The following EYA1 variants were observed in gnomAD, a reference collection of about 807,000 sequenced individuals.
The protein encoded by EYA1 is EYA transcriptional coactivator and phosphatase 1, also known as protein phosphatase EYA1.
Under a neutral mutation model 82.0 loss-of-function variants are expected in EYA1, and 16 were observed. The ratio of observed to expected loss-of-function variants is 0.20; its 90% CI spans 0.13 to 0.30. EYA1 has a LOEUF of 0.30. EYA1 is among the 10% of genes least tolerant of loss of function. The pLI, the probability that EYA1 is intolerant of heterozygous loss-of-function variation, is 1.00. For synonymous variants in EYA1, 261 were observed against 264.4 expected, an observed-to-expected ratio of 0.99 and a Z score of 0.12; for missense variants, 633 against 730.7, an observed-to-expected ratio of 0.87 and a Z score of 1.54.
intron 3 of EYA1, among the ~76,000 whole-genome samples, chr8:71,354,292 C>T (rs1298056239): frequency 6.6e-6 from 1 of 151,942 alleles, no homozygotes; most frequent in Non-Finnish European, 1.5e-5. Context: ...ATTTTCATAG[C>T]CAAAGCCTTA....
intron 1 of EYA1, among the ~76,000 whole-genome samples, chr8:71,545,382 C>A (rs72655726): frequency 0.04 from 6,114 of 152,170 alleles, 182 homozygotes; most frequent in Non-Finnish European, 0.066. Flanking sequence ...AGTCAATTTT[C>A]TAAGAAAAAT....
intron 2 of EYA1, among the ~76,000 whole-genome samples, chr8:71,471,428 A>G (rs1017940324): frequency 6.6e-6 from 1 of 152,054 alleles, no homozygotes; most frequent in Non-Finnish European, 1.5e-5. Flanking sequence ...GTGTATAAGG[A>G]TTGCATAAGC....
intron 9 of EYA1, among the ~76,000 whole-genome samples, chr8:71,294,352 G>A (rs199785733): frequency 6.6e-6 from 1 of 151,992 alleles, no homozygotes; most frequent in Non-Finnish European, 1.5e-5. Flanking sequence ...CCAGCTACTC[G>A]GGAGGCTGAG....
At chr8:71,473,507 C>A (rs60736827) in intron 2 of EYA1, among the ~76,000 whole-genome samples, 3,113 of 152,228 alleles carry the variant, frequency 0.02, 105 homozygotes, top group African/African-American at 0.071. Flanking sequence ...GAGATACCAT[C>A]TCATGCCAGT....
intron 2 of EYA1, among the ~76,000 whole-genome samples, chr8:71,406,812 T>A (rs1328649929): frequency 6.9e-6 from 1 of 145,880 alleles, no homozygotes; most frequent in Non-Finnish European, 1.5e-5. Flanking sequence ...CGCCCGCCAT[T>A]GCCCAGGCTT....
chr8:71,438,377 AAATAACC>A (rs2129168092), intron 2 of EYA1, among the ~76,000 whole-genome samples: 1 of 151,448 alleles, frequency 6.6e-6, no homozygotes, highest in Admixed American at 6.6e-5. Context: ...TATATATAAT[AAATAACC>A]TAGATAAATA....
chr8:71,291,205 C>A (rs1051974760), intron 9 of EYA1, among the ~76,000 whole-genome samples: 1 of 152,124 alleles, frequency 6.6e-6, no homozygotes, highest in South Asian at 2.1e-4. Context: ...GGAAGATAGC[C>A]GGGAGTTTAG....
chr8:71,293,842 C>T (rs548102455), intron 9 of EYA1, among the ~76,000 whole-genome samples: 5 of 104,122 alleles, frequency 4.8e-5, no homozygotes, highest in African/African-American at 1.2e-4. Flanking sequence ...TACTTCATGG[C>T]GAGAAACTAG....
At chr8:71,417,086 G>A (rs1830895035) in intron 2 of EYA1, among the ~76,000 whole-genome samples, 1 of 152,196 alleles carries the variant, frequency 6.6e-6, no homozygotes, top group Admixed American at 6.5e-5. Flanking sequence ...TGTGCTGGAT[G>A]CTTCTTGCCC....
chr8:71,479,903 G>T (rs1809997398), intron 2 of EYA1, among the ~76,000 whole-genome samples: 1 of 152,094 alleles, frequency 6.6e-6, no homozygotes, highest in African/African-American at 2.4e-5. Context: ...ATTATGTAAT[G>T]GTCTGCCTTT....
chr8:71,487,355 C>T (rs1810651038), intron 2 of EYA1, among the ~76,000 whole-genome samples: 1 of 152,136 alleles, frequency 6.6e-6, no homozygotes, highest in South Asian at 2.1e-4. Context: ...CCAGTGTGAA[C>T]ATGCTCCTAG....
chr8:71,520,423 A>G (rs1239756611), intron 2 of EYA1, among the ~76,000 whole-genome samples: 3 of 152,194 alleles, frequency 2.0e-5, no homozygotes, highest in South Asian at 4.2e-4. Flanking sequence ...AAGAAAATAA[A>G]CTTCATTGGC....
chr8:71,458,840 T>G (rs941094905), intron 2 of EYA1, among the ~76,000 whole-genome samples: 1 of 152,172 alleles, frequency 6.6e-6, no homozygotes, highest in Non-Finnish European at 1.5e-5. Flanking sequence ...GCAATTGGAT[T>G]CTGCATATAC....
chr8:71,497,571 G>A (rs1811508163), intron 2 of EYA1, among the ~76,000 whole-genome samples: 1 of 151,944 alleles, frequency 6.6e-6, no homozygotes, highest in South Asian at 2.1e-4. Flanking sequence ...TAACAGATAA[G>A]TGTTGGTAAG....
At chr8:71,293,842 C>A (rs548102455) in intron 9 of EYA1, among the ~76,000 whole-genome samples, 27 of 104,222 alleles carry the variant, frequency 2.6e-4, no homozygotes, top group African/African-American at 7.3e-4. Flanking sequence ...TACTTCATGG[C>A]GAGAAACTAG....
At chr8:71,247,110 C>T (rs1813196241) in intron 11 of EYA1, among the ~76,000 whole-genome samples, 1 of 151,972 alleles carries the variant, frequency 6.6e-6, no homozygotes, top group Admixed American at 6.6e-5. Context: ...CTCCCACCCT[C>T]TTGGCACAGC....
chr8:71,236,390 T>TTC (rs1337645414), intron 12 of EYA1, among the ~76,000 whole-genome samples: 3 of 152,330 alleles, frequency 2.0e-5, no homozygotes, highest in African/African-American at 7.2e-5. Flanking sequence ...ACATGTTGAA[T>TTC]AGGCTAGATT....
chr8:71,535,830 G>C lies in EYA1; in HGVS notation c.-54C>G, dbSNP rs1053793265. 22 of 1,225,530 alleles carry C rather than the reference G, an allele frequency of 1.8e-5. No individual in the cohort carries two copies. In the African/African-American group the frequency reaches 2.4e-4, roughly 14 times the overall value. The allele number at this position is 1,225,530 out of a possible 1,614,324, so 75.9% of individuals were successfully genotyped here. ...CTATTAGCTACACACTTCTTCAAAG[G>C]GTTCCAACACCCCTGCACCTGTGAA... On this transcript the variant is annotated 5_prime_UTR_variant, in exon 2 of 19. Coordinates refer to the EYA1 transcript ENST00000643681.
chr8:71,388,793 A>G (rs1281961836), intron 2 of EYA1, among the ~76,000 whole-genome samples: 1 of 152,130 alleles, frequency 6.6e-6, no homozygotes, highest in Non-Finnish European at 1.5e-5. Context: ...AATAAGCATA[A>G]TAGTGATAGT....
Sources: allele counts gnomAD v4.1 joint callset (sites outside exome capture counted in the v4.1 genomes callset), GRCh38; gene constraint gnomAD v4.1.1; transcripts MANE v1.5; gene names NCBI Gene and HGNC (gene_info 2026-07-23, HGNC 2026-07-21).